Variants in ZNF407 observed in about 807,000 individuals in gnomAD.
ZNF407 encodes zinc finger protein 407.
In ZNF407, 17 loss-of-function variants were observed where a neutral mutation model predicts 131.2. The observed-to-expected ratio is 0.13, with a 90% CI of 0.09 to 0.19. The LOEUF is 0.19. ZNF407 is among the 10% of genes least tolerant of loss of function. The pLI is 1.00. For missense variants in ZNF407, 2,681 were observed against 2,830.6 expected, an observed-to-expected ratio of 0.95 and a Z score of 1.20; for synonymous variants, 1,156 against 1,062.0, an observed-to-expected ratio of 1.09 and a Z score of -1.72.
chr18:74,608,351 A>AT (rs962858805), intron 1 of ZNF407, among the ~76,000 whole-genome samples: 4 of 132,546 alleles, frequency 3.0e-5, no homozygotes, highest in Admixed American at 2.1e-4. Context: ...GTTCTTTTAG[A>AT]TTTCTTTTTT....
intron 6 of ZNF407, among the ~76,000 whole-genome samples, chr18:74,887,914 A>G (rs1971332165): frequency 6.6e-6 from 1 of 152,208 alleles, no homozygotes; most frequent in Non-Finnish European, 1.5e-5. Context: ...AAATACCACC[A>G]AATGGGTTGT....
chr18:74,911,149 C>T (rs1261672152), intron 7 of ZNF407, among the ~76,000 whole-genome samples: 2 of 152,272 alleles, frequency 1.3e-5, no homozygotes, highest in Non-Finnish European at 2.9e-5. Flanking sequence ...TCTCAATCTG[C>T]GGCAGACATC....
intron 1 of ZNF407, among the ~76,000 whole-genome samples, chr18:74,615,008 A>G (rs1983223475): frequency 6.6e-6 from 1 of 152,222 alleles, no homozygotes; most frequent in African/African-American, 2.4e-5. Flanking sequence ...TGGAAGTGAT[A>G]GATGCCACTT....
At position 74,703,277 on chromosome 18, in the gene ZNF407, C is replaced by T. The variant is rs776558541; in HGVS notation, c.4802+62155C>T. Among the ~76,000 whole-genome samples the T allele has an allele frequency of 1.3e-5, 2 of 152,216 alleles. No individual in the cohort carries two copies. The highest frequency in any genetic ancestry group is 2.4e-5 in the African/African-American group (1 of 41,456). On this transcript the variant is annotated intron_variant, in intron 3 of 8. Coordinates refer to ENST00000299687, the MANE Select transcript of ZNF407 (RefSeq NM_017757.3). This position sits in a 1 kb window ranked among gnomAD's most constrained non-coding sequence, Gnocchi z 4.1. ...AGAGAATTCTGAGAAATGTAGTTCACAGCCTAGATGAGACGACCCATTACA... is the reference window on the plus strand; with the variant it reads ...AGAGAATTCTGAGAAATGTAGTTCATAGCCTAGATGAGACGACCCATTACA...
chr18:74,648,538 G>A (rs1024966216), intron 3 of ZNF407, among the ~76,000 whole-genome samples: 5 of 152,166 alleles, frequency 3.3e-5, no homozygotes, highest in Non-Finnish European at 5.9e-5. Flanking sequence ...AGCCTGGTGG[G>A]AAGTGAGTTA....
intron 4 of ZNF407, among the ~76,000 whole-genome samples, chr18:74,859,004 C>T (rs185104093): frequency 3.3e-5 from 5 of 151,664 alleles, no homozygotes; most frequent in African/African-American, 1.2e-4. Context: ...GTTATGGTAA[C>T]TTTTGACCTG....
chr18:74,638,477 A>G (rs1396003182), intron 2 of ZNF407, among the ~76,000 whole-genome samples: 1 of 152,206 alleles, frequency 6.6e-6, no homozygotes, highest in Non-Finnish European at 1.5e-5. Flanking sequence ...CATTCCTTTA[A>G]GATCTAAGGG....
chr18:74,893,704 TA>T (rs1230541125), intron 7 of ZNF407, among the ~76,000 whole-genome samples: 1 of 152,200 alleles, frequency 6.6e-6, no homozygotes, highest in Non-Finnish European at 1.5e-5. Context: ...GAATATGTAT[TA>T]TTTTCATAGA....
intron 8 of ZNF407, among the ~76,000 whole-genome samples, chr18:75,047,176 T>C (rs537936771): frequency 1.3e-5 from 2 of 152,274 alleles, no homozygotes; most frequent in African/African-American, 4.8e-5. Context: ...ATATGACATA[T>C]TGGGAAACGG....
intron 7 of ZNF407, among the ~76,000 whole-genome samples, chr18:74,895,690 G>C (rs1162411540): frequency 2.0e-5 from 3 of 152,058 alleles, no homozygotes; most frequent in African/African-American, 7.2e-5. Flanking sequence ...TTTCTATACA[G>C]TTTTCTTGTA....
chr18:74,979,121 C>T (rs930603929), intron 8 of ZNF407, among the ~76,000 whole-genome samples: 3 of 152,038 alleles, frequency 2.0e-5, no homozygotes, highest in Admixed American at 1.3e-4. Flanking sequence ...GGGTGTGGTA[C>T]GACCGAGAAA....
rs554125206 is a variant in ZNF407 at position 74,864,058 on chromosome 18, T to G, written c.4878-13139T>G. ...GAGGATAATTAAATAGCATTTGGAG[T>G]GCATGTAGACTCTATGGGCAGGAAA... On this transcript the variant is annotated intron_variant, in intron 4 of 8. Coordinates refer to ENST00000299687, the MANE Select transcript of ZNF407 (RefSeq NM_017757.3). 4.6e-5 allele frequency among the ~76,000 whole-genome samples: 7 copies of G among 151,156 alleles called. No individual in the cohort carries two copies. The East Asian group carries it at 1.2e-3, about 25-fold the overall frequency.
At chr18:75,033,102 A>G (rs1973264315) in intron 8 of ZNF407, among the ~76,000 whole-genome samples, 2 of 131,354 alleles carry the variant, frequency 1.5e-5, no homozygotes, top group Non-Finnish European at 1.6e-5. Flanking sequence ...GGGGGAAGAT[A>G]GCATTAGATA....
chr18:74,720,047 A>G (rs577510807), intron 3 of ZNF407, among the ~76,000 whole-genome samples: 1 of 151,576 alleles, frequency 6.6e-6, no homozygotes, highest in South Asian at 2.1e-4. Context: ...TGGTTGATCT[A>G]TTTGTATTTT....
At chr18:74,871,511 G>GT (rs146482430) in intron 4 of ZNF407, among the ~76,000 whole-genome samples, 53 of 151,248 alleles carry the variant, frequency 3.5e-4, no homozygotes, top group Admixed American at 9.9e-4. Context: ...ATACCTGTCA[G>GT]TTTTTTTTTA....
intron 3 of ZNF407, among the ~76,000 whole-genome samples, chr18:74,731,680 A>T (rs1023298358): frequency 1.3e-5 from 2 of 152,170 alleles, no homozygotes; most frequent in African/African-American, 4.8e-5. Context: ...GGCAGCCTTT[A>T]TTCCAAATGG....
At chr18:74,800,112 T>C (rs1375113213) in intron 4 of ZNF407, among the ~76,000 whole-genome samples, 1 of 151,972 alleles carries the variant, frequency 6.6e-6, no homozygotes, top group Non-Finnish European at 1.5e-5. Flanking sequence ...ACACACACAG[T>C]GAGTCTTTCC....
intron 3 of ZNF407, among the ~76,000 whole-genome samples, chr18:74,713,574 A>T (rs1204225767): frequency 6.6e-6 from 1 of 152,100 alleles, no homozygotes; most frequent in Non-Finnish European, 1.5e-5. Context: ...TTTTGTGCTG[A>T]TGATACATTA....
In ZNF407 at chr18:74,633,097, A is replaced by C; in HGVS notation, c.2078A>C (p.His693Pro). ...GAACCTCTGAAGTCCAGGGTAAGCC[A>C]TGGTAATGAAGTGAGGCATTCCAGT... is the stretch of plus-strand genomic sequence containing the variant. ...QEEPLKSRVS[H>P]GNEVRHSSKP... is the part of the protein sequence containing the mutation. The change falls in exon 2 of 9, where the codon CAT (histidine) becomes CCT (proline). Residue 693 changes from histidine (H) to proline (P), a missense_variant. By Grantham distance (77) the His-to-Pro change is moderately conservative. Around this residue, in one of 6 missense-constraint regions of ZNF407, gnomAD observed 1,789 missense variants for 1,748.7 expected, o/e 1.02. Transcript: ENST00000299687. The C allele has an allele frequency of 6.2e-7, 1 of 1,613,850 alleles. No individual in the cohort carries two copies. The highest frequency in any genetic ancestry group is 8.5e-7 in the Non-Finnish European group (1 of 1,179,872).
Sources: gnomAD v4.1 joint callset for allele counts (sites outside exome capture counted in the v4.1 genomes callset) on GRCh38, gnomAD v4.1.1 for gene constraint, gnomAD v4.1.1 regional missense constraint, Gnocchi (gnomAD v3.1) non-coding constraint, MANE v1.5 for transcripts, NCBI Gene and HGNC (gene_info 2026-07-23, HGNC 2026-07-21) for gene names.